TTLL6: variants seen among roughly 807,000 people sequenced by gnomAD.
TTLL6 encodes the protein tubulin polyglutamylase TTLL6.
A neutral mutation model predicts 96.4 loss-of-function variants in TTLL6; 75 were observed. The ratio of observed to expected loss-of-function variants is 0.78; its 90% confidence interval spans 0.65 to 0.94. The LOEUF is 0.94. TTLL6 is among the 40% of genes least tolerant of loss of function. TTLL6 has a pLI of 0.00. For missense variants in TTLL6, 1,030 were observed against 1,093.0 expected (o/e 0.94, Z 0.81); for synonymous variants, 411 against 419.4 (o/e 0.98, Z 0.24).
intron 12 of TTLL6, 52 bp from the exon 13 acceptor site, chr17:48,785,253 AC>A: frequency 5.6e-6 from 9 of 1,609,404 alleles, no homozygotes; most frequent in Non-Finnish European, 7.6e-6. Context: ...AGCTCTATCC[AC>A]TTCCAGATTC....
At chr17:48,806,396 A>G (rs921523100) in intron 1 of TTLL6, 2 of 152,158 alleles carry the variant, frequency 1.3e-5, no homozygotes, top group Admixed American at 6.6e-5. Context: ...AGGCCCAATT[A>G]ATGGATTCAT....
At chr17:48,816,609 G>A (rs529181681) in intron 1 of TTLL6, among the ~76,000 whole-genome samples, 1 of 152,348 alleles carries the variant, frequency 6.6e-6, no homozygotes, top group East Asian at 1.9e-4. Flanking sequence ...CCAGACAAAG[G>A]AAGAACAGTG....
At chr17:48,797,252 C>T (rs1256374871) in intron 6 of TTLL6, 48 bp from the exon 7 acceptor site, 1 of 1,513,622 alleles carries the variant, frequency 6.6e-7, no homozygotes, top group African/African-American at 1.4e-5. Context: ...GAGAAATTTA[C>T]ACTTGAAAAT....
intron 12 of TTLL6, 132 bp from the exon 13 acceptor site, chr17:48,785,333 A>G: frequency 7.5e-7 from 1 of 1,333,114 alleles, no homozygotes; most frequent in Non-Finnish European, 1.0e-6. Flanking sequence ...AGTCTCTCTA[A>G]TGTGGGGCTC....
chr17:48,801,288 C>A lies in TTLL6; in HGVS notation c.578G>T (p.Arg193Leu), dbSNP rs773011826. The change falls in exon 5 of 16, where the codon CGC (arginine) becomes CTC (leucine). Residue 193 changes from arginine (R) to leucine (L), a missense_variant. By Grantham distance (102) the Arg-to-Leu change is moderately radical (BLOSUM62 -2). Coordinates refer to ENST00000393382, the MANE Select transcript of TTLL6 (RefSeq NM_001130918.3). ...RMLKMFPKDF[R>L]FFPRTWCLPA... The stretch of plus-strand genomic sequence containing the variant: ...AAGACACCAGGTCCTAGGGAAAAAG[C>A]GGAAATCTTTAGGGAACATCTTTAA... 1.3e-6 allele frequency: 2 copies of A among 1,551,494 alleles called. No homozygotes were observed. Among genetic ancestry groups the A allele is most frequent in the Non-Finnish European group, 8.7e-7 (1 of 1,146,992 alleles).
intron 1 of TTLL6, among the ~76,000 whole-genome samples, chr17:48,813,840 T>C (rs371659662): frequency 1.4e-4 from 21 of 152,260 alleles, no homozygotes; most frequent in East Asian, 1.2e-3. Context: ...GGGAGGAATC[T>C]TTTTAGAGGA....
chr17:48,791,126 CTG>C (rs1406430431), intron 9 of TTLL6, among the ~76,000 whole-genome samples: 1 of 152,202 alleles, frequency 6.6e-6, no homozygotes, highest in Non-Finnish European at 1.5e-5. Context: ...TAGAATCACT[CTG>C]TGCCTAAGAT....
rs368085735 is a variant in TTLL6 at position 48,810,825 on chromosome 17, G to GTGTA, written c.104-5835_104-5834insTACA. On this transcript the variant is annotated intron_variant, in intron 1 of 15. Coordinates refer to ENST00000393382, the MANE Select transcript of TTLL6 (RefSeq NM_001130918.3). ...ATATACACATATATAGTATGTGTGT[G>GTGTA]TATATATATATATATATATATATAT... 4.4e-3 allele frequency among the ~76,000 whole-genome samples: 370 copies of GTGTA among 84,332 alleles called. 15 individuals carry two copies. Among genetic ancestry groups the GTGTA allele is most frequent in the African/African-American group, 0.014 (335 of 24,676 alleles). The allele number at this position is 84,332 out of a possible 152,430, so 55.3% of individuals were successfully genotyped here. A position where few individuals can be genotyped will look rare whatever the true frequency, so the allele number is the denominator to read the frequency against.
Position 48,801,386 on chromosome 17 carries a change from C to T in TTLL6, c.481-1G>A. The T allele has an allele frequency of 6.4e-7, 1 of 1,551,620 alleles. No individual in the cohort carries two copies. The highest frequency in any genetic ancestry group is 8.7e-7 in the Non-Finnish European group (1 of 1,146,958). The stretch of plus-strand genomic sequence containing the variant: ...TCATCCCGGGGAAGTGATTGATCTT[C>T]TGGAAGGGAAGCCGGAATTCATGAG... On this transcript the variant is annotated splice_acceptor_variant, in intron 4 of 15. Transcript: ENST00000393382. LOFTEE classifies it high-confidence loss of function.
chr17:48,807,841 G>T (rs1269340655), intron 1 of TTLL6, among the ~76,000 whole-genome samples: 2 of 149,732 alleles, frequency 1.3e-5, no homozygotes, highest in African/African-American at 4.9e-5. Context: ...GTTTTGTTTT[G>T]TTTTTGTTTT....
intron 13 of TTLL6, among the ~76,000 whole-genome samples, chr17:48,782,279 T>C (rs2039003490): frequency 6.6e-6 from 1 of 152,016 alleles, no homozygotes; most frequent in African/African-American, 2.4e-5. Flanking sequence ...CTAGGTTTTG[T>C]ATTTTTAGTA....
At chr17:48,779,972 A>C (rs1431756395) in intron 13 of TTLL6, among the ~76,000 whole-genome samples, 2 of 152,112 alleles carry the variant, frequency 1.3e-5, no homozygotes, top group African/African-American at 2.4e-5. Context: ...GAGATATCAA[A>C]ATGTTCGTAT....
At chr17:48,799,862 A>G in intron 5 of TTLL6, 102 bp from the exon 6 acceptor site, 1 of 1,088,346 alleles carries the variant, frequency 9.2e-7, no homozygotes. Flanking sequence ...GTCTAATGTG[A>G]CAAATCCCTG....
chr17:48,796,206 C>G, intron 7 of TTLL6, 60 bp from the exon 8 acceptor site: 1 of 1,350,548 alleles, frequency 7.4e-7, no homozygotes, highest in Non-Finnish European at 1.0e-6. Flanking sequence ...CCTGCTTCCT[C>G]TCTGTGCCCT....
intron 8 of TTLL6, among the ~76,000 whole-genome samples, chr17:48,795,543 G>T (rs992189909): frequency 6.6e-6 from 1 of 151,966 alleles, no homozygotes; most frequent in African/African-American, 2.4e-5. Context: ...AAAGCCTCTC[G>T]TGAAGATACT....
intron 7 of TTLL6, among the ~76,000 whole-genome samples, chr17:48,796,735 C>A (rs568157544): frequency 6.6e-6 from 1 of 152,160 alleles, no homozygotes; most frequent in Non-Finnish European, 1.5e-5. Context: ...TGCTCATCCA[C>A]GGCCTTTTCT....
chr17:48,803,568 C>T (rs145785255), intron 3 of TTLL6, among the ~76,000 whole-genome samples: 36 of 151,714 alleles, frequency 2.4e-4, no homozygotes, highest in African/African-American at 7.7e-4. Flanking sequence ...ATTCAGTTCA[C>T]GAACTGCAAG....
intron 1 of TTLL6, among the ~76,000 whole-genome samples, chr17:48,807,685 T>C (rs948400786): frequency 4.0e-5 from 6 of 150,760 alleles, no homozygotes; most frequent in Non-Finnish European, 8.9e-5. Flanking sequence ...CTAACTTTTA[T>C]ATTTTTAGTA....
intron 13 of TTLL6, among the ~76,000 whole-genome samples, chr17:48,777,305 A>C (rs1264541044): frequency 6.6e-6 from 1 of 152,210 alleles, no homozygotes; most frequent in Non-Finnish European, 1.5e-5. Context: ...TAGAAAAAAC[A>C]TAGGAGTGGC....
Sources: allele counts gnomAD v4.1 joint callset (sites outside exome capture counted in the v4.1 genomes callset), GRCh38; gene constraint gnomAD v4.1.1; transcripts MANE v1.5; gene names NCBI Gene and HGNC (gene_info 2026-07-23, HGNC 2026-07-21).